FRMD4B: variants seen among roughly 807,000 people sequenced by gnomAD.
The protein encoded by FRMD4B is FERM domain containing 4B, also known as FERM domain-containing protein 4B.
In FRMD4B, 74 loss-of-function variants were observed where a neutral mutation model predicts 141.5. The observed-to-expected ratio is 0.52, with a 90% CI of 0.43 to 0.63. The LOEUF is 0.63. Ranked by LOEUF, FRMD4B falls within the 30% of genes least tolerant of loss-of-function variation. The pLI is 0.00. For missense variants in FRMD4B, 1,366 were observed against 1,253.4 expected (o/e 1.09, Z -1.36); for synonymous variants, 506 against 467.9 (o/e 1.08, Z -1.05).
chr3:69,410,722 AATAAATATATATATATATAT>A lies in FRMD4B; in HGVS notation c.-1+21892_-1+21911del, dbSNP rs1166855939. On this transcript the variant is annotated intron_variant, in intron 2 of 5. Coordinates refer to the FRMD4B transcript ENST00000459638. The stretch of plus-strand genomic sequence containing the variant: ...AAAGAAATATATAAATAAATAAATA[AATAAATATATATATATATAT>A]ATATATATATATATATATATATATA... Among the ~76,000 whole-genome samples, 124 of 58,540 alleles carry A rather than the reference AATAAATATATATATATATAT, an allele frequency of 2.1e-3. 1 individual carries two copies. The highest frequency in any genetic ancestry group is 0.015 in the East Asian group (27 of 1,742). The allele number at this position is 58,540 out of a possible 152,430, so 38.4% of individuals were successfully genotyped here.
At position 69,262,854 on chromosome 3, in the gene FRMD4B, G is replaced by C. The variant is rs548349951; in HGVS notation, c.502-12755C>G. On this transcript the variant is annotated intron_variant, in intron 5 of 22. Transcript: ENST00000398540. ...CATAGCTACATACAAGAATATGGAT[G>C]AATCTCAAAAACATAATTTGAGTAA... Among the ~76,000 whole-genome samples, 3 of 152,260 alleles carry C rather than the reference G, an allele frequency of 2.0e-5. No individual in the cohort carries two copies. In the East Asian group the frequency reaches 5.8e-4, roughly 29 times the overall value.
intron 10 of FRMD4B, among the ~76,000 whole-genome samples, chr3:69,216,975 G>C (rs2093146394): frequency 6.6e-6 from 1 of 150,452 alleles, no homozygotes; most frequent in Admixed American, 6.6e-5. Context: ...TAAAAAGCCA[G>C]TTATCCATTA....
intron 1 of FRMD4B, among the ~76,000 whole-genome samples, chr3:69,533,363 CACTT>C (rs1047537058): frequency 3.3e-5 from 5 of 150,496 alleles, no homozygotes; most frequent in African/African-American, 1.2e-4. Context: ...GCAGGTGTGT[CACTT>C]ACTAGCTGTG....
At chr3:69,326,900 G>A (rs1472912890) in intron 1 of FRMD4B, among the ~76,000 whole-genome samples, 1 of 152,068 alleles carries the variant, frequency 6.6e-6, no homozygotes, top group Non-Finnish European at 1.5e-5. Context: ...AAACAGCCTC[G>A]TTGCTTAAAA....
At chr3:69,481,718 A>C (rs1706128108) in intron 1 of FRMD4B, among the ~76,000 whole-genome samples, 1 of 152,158 alleles carries the variant, frequency 6.6e-6, no homozygotes, top group Admixed American at 6.5e-5. Flanking sequence ...TCACAACTTC[A>C]GTCCCTGGAG....
intron 1 of FRMD4B, among the ~76,000 whole-genome samples, chr3:69,350,743 A>G (rs571099996): frequency 2.0e-5 from 3 of 147,970 alleles, no homozygotes; most frequent in Non-Finnish European, 4.5e-5. Context: ...CAAACACTGC[A>G]TGTTCTCACT....
At chr3:69,278,136 G>A (rs1171568185) in intron 5 of FRMD4B, among the ~76,000 whole-genome samples, 2 of 152,198 alleles carry the variant, frequency 1.3e-5, no homozygotes, top group African/African-American at 4.8e-5. Context: ...TTACAGGCTT[G>A]AGCCACTGTG....
chr3:69,507,817 T>A (rs1372719786), intron 1 of FRMD4B, among the ~76,000 whole-genome samples: 1 of 152,130 alleles, frequency 6.6e-6, no homozygotes, highest in Non-Finnish European at 1.5e-5. Flanking sequence ...CTAAAAAAAA[T>A]TGTCAGAGTC....
chr3:69,232,598 C>A (rs1243634489), intron 7 of FRMD4B, among the ~76,000 whole-genome samples: 1 of 152,164 alleles, frequency 6.6e-6, no homozygotes, highest in Admixed American at 6.5e-5. Flanking sequence ...TTTGAGAAAG[C>A]CACATGGCTG....
intron 5 of FRMD4B, among the ~76,000 whole-genome samples, chr3:69,274,961 T>C (rs1341652573): frequency 1.3e-5 from 2 of 152,188 alleles, no homozygotes; most frequent in Non-Finnish European, 2.9e-5. Context: ...GAAATTAAAA[T>C]GTGAATTTTC....
intron 7 of FRMD4B, among the ~76,000 whole-genome samples, chr3:69,236,217 T>C (rs1478475668): frequency 1.3e-5 from 2 of 151,840 alleles, no homozygotes; most frequent in Non-Finnish European, 2.9e-5. Flanking sequence ...ATTGTTGTTG[T>C]TATTGTTTTG....
chr3:69,295,060 C>A (rs2314993), intron 4 of FRMD4B, among the ~76,000 whole-genome samples: 125,510 of 152,068 alleles, frequency 0.83, 51,948 homozygotes, highest in East Asian at 0.97. Context: ...TTAGGACATA[C>A]AAAATAGTTA....
chr3:69,426,983 ATT>A (rs1213677509), intron 2 of FRMD4B, among the ~76,000 whole-genome samples: 1 of 151,972 alleles, frequency 6.6e-6, no homozygotes, highest in Non-Finnish European at 1.5e-5. Context: ...AGGGATTCTT[ATT>A]TTTTTATTTC....
At chr3:69,353,389 C>T (rs1193778482) in intron 1 of FRMD4B, among the ~76,000 whole-genome samples, 1 of 152,174 alleles carries the variant, frequency 6.6e-6, no homozygotes, top group African/African-American at 2.4e-5. Flanking sequence ...TCCTTTTCTG[C>T]AAGTTGGGTT....
At chr3:69,386,311 C>T (rs1203683199), upstream of FRMD4B, 6 of 242,262 alleles carry the variant, frequency 2.5e-5, no homozygotes, top group East Asian at 4.8e-4. Flanking sequence ...CCCTGGCCGG[C>T]GAGGACTCCC....
intron 1 of FRMD4B, among the ~76,000 whole-genome samples, chr3:69,360,194 C>T (rs1703433139): frequency 6.6e-6 from 1 of 152,204 alleles, no homozygotes; most frequent in African/African-American, 2.4e-5. Context: ...AGACCAGTGT[C>T]ATAACCACCT....
chr3:69,455,523 C>T (rs551343352), intron 1 of FRMD4B, among the ~76,000 whole-genome samples: 11 of 152,096 alleles, frequency 7.2e-5, no homozygotes, highest in East Asian at 1.9e-4. Flanking sequence ...CTGAAGCCAG[C>T]GAGACCATTA....
chr3:69,343,859 C>T (rs898508142), intron 1 of FRMD4B, among the ~76,000 whole-genome samples: 12 of 152,034 alleles, frequency 7.9e-5, no homozygotes, highest in East Asian at 3.9e-4. Context: ...GGATTACAGG[C>T]GTGAACCACC....
chr3:69,288,615 T>G (rs1227602929), intron 4 of FRMD4B, among the ~76,000 whole-genome samples: 1 of 152,202 alleles, frequency 6.6e-6, no homozygotes, highest in Non-Finnish European at 1.5e-5. Flanking sequence ...CCTGTACTGA[T>G]GAGGCCGGCT....
Sources: allele counts gnomAD v4.1 joint callset (sites outside exome capture counted in the v4.1 genomes callset), GRCh38; gene constraint gnomAD v4.1.1; transcripts MANE v1.5; gene names NCBI Gene and HGNC (gene_info 2026-07-23, HGNC 2026-07-21).